FMNL2: variants seen among roughly 807,000 people sequenced by gnomAD.
FMNL2 encodes formin-like protein 2.
A neutral mutation model predicts 130.2 loss-of-function variants in FMNL2; 51 were observed. The ratio of observed to expected loss-of-function variants is 0.39; its 90% CI spans 0.31 to 0.49. The LOEUF is 0.49. Among genes scored for constraint, FMNL2 ranks in the 20% least tolerant of loss-of-function variants. The probability of loss-of-function intolerance (pLI) is 0.85; values close to 1 mark genes in which losing one functional copy is unlikely to be tolerated. For synonymous variants in FMNL2, 465 were observed against 467.1 expected, an observed-to-expected ratio of 1.00 and a Z score of 0.06; for missense variants, 977 against 1,316.2, an observed-to-expected ratio of 0.74 and a Z score of 3.99.
At chr2:152,504,083 C>T (rs564728565) in intron 1 of FMNL2, among the ~76,000 whole-genome samples, 37 of 152,204 alleles carry the variant, frequency 2.4e-4, no homozygotes, top group African/African-American at 8.2e-4. Flanking sequence ...CCCAGCTACG[C>T]GGGAGGTTGG....
Position 152,620,073 on chromosome 2 carries a change from C to T in FMNL2, c.1837+355C>T, listed in dbSNP as rs945878159. ...ATACTTTCTGGACACCTGTAGTATT[C>T]AAAGCTCAGTATTAGGCACAGACAT... On this transcript the variant is annotated intron_variant, in intron 15 of 25. Transcript: ENST00000288670. Among the ~76,000 whole-genome samples the T allele has an allele frequency of 1.3e-4, 19 of 151,508 alleles. 2 individuals are homozygous for T. Among genetic ancestry groups the T allele is most frequent in the Admixed American group, 1.3e-3 (19 of 15,190 alleles).
chr2:152,609,142 A>G (rs561088705), intron 10 of FMNL2, among the ~76,000 whole-genome samples: 4 of 152,308 alleles, frequency 2.6e-5, no homozygotes, highest in Non-Finnish European at 4.4e-5. Flanking sequence ...AAACACCTGT[A>G]CTATCCATAC....
intron 25 of FMNL2, chr2:152,645,468 T>C (rs1478078061): frequency 3.1e-6 from 4 of 1,290,028 alleles, no homozygotes; most frequent in Non-Finnish European, 4.0e-6. Flanking sequence ...AATTTCCAAA[T>C]GTTCACTCGA....
intron 1 of FMNL2, among the ~76,000 whole-genome samples, chr2:152,469,161 A>C (rs980888549): frequency 2.0e-5 from 3 of 152,176 alleles, no homozygotes; most frequent in African/African-American, 7.2e-5. Context: ...GCAATTAAGC[A>C]TATGAAGCCC....
chr2:152,478,163 C>G (rs1471982608), intron 1 of FMNL2, among the ~76,000 whole-genome samples: 1 of 149,430 alleles, frequency 6.7e-6, no homozygotes, highest in Non-Finnish European at 1.5e-5. Context: ...ACTTTGAGAA[C>G]TTTGGTTACA....
intron 1 of FMNL2, among the ~76,000 whole-genome samples, chr2:152,389,143 G>A (rs1415256233): frequency 6.6e-6 from 1 of 152,038 alleles, no homozygotes; most frequent in East Asian, 1.9e-4. Flanking sequence ...GTGTTAGGGT[G>A]TCTTAGTCCA....
At chr2:152,363,836 TAC>T (rs1683331141) in intron 1 of FMNL2, among the ~76,000 whole-genome samples, 1 of 152,224 alleles carries the variant, frequency 6.6e-6, no homozygotes, top group Admixed American at 6.5e-5. Flanking sequence ...TTGCTGGGAT[TAC>T]AGATGTGAGC....
At chr2:152,464,356 G>A (rs1234806534) in intron 1 of FMNL2, among the ~76,000 whole-genome samples, 1 of 152,160 alleles carries the variant, frequency 6.6e-6, no homozygotes, top group African/African-American at 2.4e-5. Flanking sequence ...CTTTAAACAT[G>A]TTCTCTTTTT....
rs779859936 is a variant in FMNL2 at position 152,619,156 on chromosome 2, C to T, written c.1625C>T (p.Thr542Ile). ...CCTCCCTCATCAGACACACCTGAAACAGGTAAGAAGCCTTGGCAGGAGGAC... is the reference window on the plus strand; with the variant it reads ...CCTCCCTCATCAGACACACCTGAAATAGGTAAGAAGCCTTGGCAGGAGGAC... ...PLPPSSDTPETVQNGPVTPPM... is the reference protein window; with the variant it reads ...PLPPSSDTPEIVQNGPVTPPM... Residue 542 changes from threonine to isoleucine, a missense_variant and splice_region_variant, in exon 14 of 26, where the codon ACA (threonine) becomes ATA (isoleucine). Around this residue, in one of 4 missense-constraint regions of FMNL2, gnomAD observed 689 missense variants for 995.9 expected, o/e 0.69. Transcript: ENST00000288670. 2 of 1,555,450 alleles carry T rather than the reference C, an allele frequency of 1.3e-6. No individual in the cohort carries two copies. Among genetic ancestry groups the T allele is most frequent in the Non-Finnish European group, 1.7e-6 (2 of 1,154,824 alleles).
intron 11 of FMNL2, 79 bp downstream of exon 11, chr2:152,611,684 C>A: frequency 2.2e-6 from 2 of 915,722 alleles, no homozygotes; most frequent in Non-Finnish European, 3.5e-6. Flanking sequence ...GCTTCCATAG[C>A]AGCTAAAGAA....
At chr2:152,336,630 T>C (rs557207628) in intron 1 of FMNL2, among the ~76,000 whole-genome samples, 1 of 152,294 alleles carries the variant, frequency 6.6e-6, no homozygotes, top group Admixed American at 6.5e-5. Flanking sequence ...TGCTGTGAGC[T>C]GCAGAGGGTG....
rs1681936743 is a variant in FMNL2 at position 152,628,314 on chromosome 2, A to G, written c.2181A>G (p.Thr727=). Residue 727 remains threonine, a synonymous_variant, in exon 18 of 26, where the codon ACA becomes ACG. Transcript: ENST00000288670. ...CTGTCTTTAGATTTGACTTGAAGACACTGCCTGTGGACTTTGTGGAATGCT... is the reference window on the plus strand; with the variant it reads ...CTGTCTTTAGATTTGACTTGAAGACGCTGCCTGTGGACTTTGTGGAATGCT... ...CKAIHVFDLK[T]LPVDFVECLM... 4 of 1,614,032 alleles carry G rather than the reference A, an allele frequency of 2.5e-6. No individual in the cohort carries two copies. In the East Asian group the frequency reaches 6.7e-5, roughly 27 times the overall value.
chr2:152,342,633 A>G (rs1681877074), intron 1 of FMNL2, among the ~76,000 whole-genome samples: 1 of 152,146 alleles, frequency 6.6e-6, no homozygotes, highest in African/African-American at 2.4e-5. Context: ...CTGCAGGGTG[A>G]TCTTCCTCCC....
chr2:152,549,195 T>G, intron 4 of FMNL2, 98 bp downstream of exon 4: 1 of 768,832 alleles, frequency 1.3e-6, no homozygotes, highest in Non-Finnish European at 1.9e-6. Context: ...TATGGGCCAT[T>G]ATAAATTAAA....
At chr2:152,525,587 T>G (rs1693345703) in intron 2 of FMNL2, among the ~76,000 whole-genome samples, 1 of 152,142 alleles carries the variant, frequency 6.6e-6, no homozygotes, top group Non-Finnish European at 1.5e-5. Flanking sequence ...GGGTGAGACA[T>G]GGAAAATCTC....
At position 152,600,811 on chromosome 2, in the gene FMNL2, C is replaced by T. The variant is rs112850578; in HGVS notation, c.877-6528C>T. 7.0e-4 allele frequency among the ~76,000 whole-genome samples: 106 copies of T among 151,820 alleles called. 2 individuals carry two copies. The highest frequency in any genetic ancestry group is 2.4e-3 in the African/African-American group (101 of 41,428). On this transcript the variant is annotated intron_variant, in intron 9 of 25. Coordinates refer to ENST00000288670, the MANE Select transcript of FMNL2 (RefSeq NM_052905.4). ...TGAATCTTGCTTGTCCTGGGAGTGGCCCACGTTATCTGTGCAGGGTATGGG... is the reference window on the plus strand; with the variant it reads ...TGAATCTTGCTTGTCCTGGGAGTGGTCCACGTTATCTGTGCAGGGTATGGG...
intron 1 of FMNL2, among the ~76,000 whole-genome samples, chr2:152,508,703 A>G (rs1390217482): frequency 6.6e-6 from 1 of 152,202 alleles, no homozygotes; most frequent in Non-Finnish European, 1.5e-5. Flanking sequence ...AGGAAAGAGA[A>G]AAGTGTTTAC....
intron 9 of FMNL2, among the ~76,000 whole-genome samples, 166 bp downstream of exon 9, chr2:152,581,215 T>C (rs1218204727): frequency 6.6e-6 from 1 of 152,246 alleles, no homozygotes; most frequent in African/African-American, 2.4e-5. Context: ...AAATTTGGTA[T>C]CTTATTTCTA....
At chr2:152,548,841 C>T (rs1694790168) in intron 3 of FMNL2, among the ~76,000 whole-genome samples, 180 bp from the exon 4 acceptor site, 1 of 152,032 alleles carries the variant, frequency 6.6e-6, no homozygotes, top group Non-Finnish European at 1.5e-5. Flanking sequence ...TTTTGTAGTC[C>T]TTTCTCAGTA....
Sources: gnomAD v4.1 joint callset for allele counts (sites outside exome capture counted in the v4.1 genomes callset) on GRCh38, gnomAD v4.1.1 for gene constraint, gnomAD v4.1.1 regional missense constraint, MANE v1.5 for transcripts, NCBI Gene and HGNC (gene_info 2026-07-23, HGNC 2026-07-21) for gene names.